Variants in SNW1 observed in about 807,000 individuals in gnomAD.
SNW1 encodes SNW domain containing 1.
SNW1 carries 9 observed loss-of-function variants against 75.6 expected under a neutral mutation model. The ratio of observed to expected loss-of-function variants is 0.12; its 90% CI spans 0.07 to 0.21. SNW1 has a LOEUF of 0.21. Among genes scored for constraint, SNW1 ranks in the 10% least tolerant of loss-of-function variants. The pLI is 1.00. For synonymous variants in SNW1, 200 were observed against 219.1 expected (o/e 0.91, Z 0.77); for missense variants, 409 against 670.9 (o/e 0.61, Z 4.31).
At chr14:77,721,133 G>T (rs2080537107) in intron 11 of SNW1, 4 of 260,430 alleles carry the variant, frequency 1.5e-5, no homozygotes. Context: ...AAATTGCTAT[G>T]GTCTATATTT....
chr14:77,733,122 A>G (rs1400714752), intron 8 of SNW1, among the ~76,000 whole-genome samples: 1 of 152,188 alleles, frequency 6.6e-6, no homozygotes, highest in East Asian at 1.9e-4. Context: ...AACCTTCACG[A>G]TAACTCTATA....
chr14:77,729,452 G>A (rs919979509), intron 10 of SNW1, among the ~76,000 whole-genome samples: 4 of 152,056 alleles, frequency 2.6e-5, no homozygotes, highest in African/African-American at 9.7e-5. Context: ...CTCTCTTACA[G>A]TTTATTTGGA....
intron 3 of SNW1, among the ~76,000 whole-genome samples, chr14:77,747,976 G>A (rs1475289765): frequency 6.6e-6 from 1 of 152,250 alleles, no homozygotes; most frequent in Non-Finnish European, 1.5e-5. Context: ...GGAGAGGGGG[G>A]AAATGTGGGG....
chr14:77,743,171 G>C (rs997272098), intron 3 of SNW1, among the ~76,000 whole-genome samples: 1 of 151,408 alleles, frequency 6.6e-6, no homozygotes, highest in Non-Finnish European at 1.5e-5. Context: ...GTTGCGGTGA[G>C]CTGAGATCGT....
intron 3 of SNW1, among the ~76,000 whole-genome samples, chr14:77,740,828 G>T (rs946104793): frequency 2.6e-5 from 4 of 152,262 alleles, no homozygotes; most frequent in African/African-American, 9.6e-5. Context: ...AGGGCACGGT[G>T]GCTCACGCCT....
Position 77,717,689 on chromosome 14 carries a change from G to A in SNW1, c.*399C>T. Reference sequence around the variant, plus strand: ...CAAATTAAAACAGAGCACAATAGGGGCAAAATTTATTTGGCAGGACAGTTC... The same window carrying A: ...CAAATTAAAACAGAGCACAATAGGGACAAAATTTATTTGGCAGGACAGTTC... On this transcript the variant is annotated 3_prime_UTR_variant, in exon 14 of 14. Transcript: ENST00000261531. 1.2e-6 allele frequency: 1 copy of A among 817,176 alleles called. No homozygotes were observed. Among genetic ancestry groups the A allele is most frequent in the East Asian group, 2.6e-5 (1 of 37,814 alleles). 50.6% of individuals were successfully genotyped at this position (817,176 alleles called of 1,614,324 possible).
chr14:77,755,222 A>G, intron 1 of SNW1, 102 bp from the exon 2 acceptor site: 4 of 1,028,732 alleles, frequency 3.9e-6, no homozygotes. Flanking sequence ...CGATGCTTTT[A>G]CTTTTCAGAA....
intron 10 of SNW1, 55 bp from the exon 11 acceptor site, chr14:77,723,332 C>CAT: frequency 8.2e-7 from 1 of 1,224,044 alleles, no homozygotes; most frequent in South Asian, 1.2e-5. Flanking sequence ...TGTGTGCATA[C>CAT]GTGTACACGT....
chr14:77,741,476 G>T (rs989364945), intron 3 of SNW1, among the ~76,000 whole-genome samples: 1 of 152,122 alleles, frequency 6.6e-6, no homozygotes, highest in Non-Finnish European at 1.5e-5. Context: ...TCTCCAGCTT[G>T]TTTTTCTCAG....
Position 77,732,471 on chromosome 14 carries a change from T to C in SNW1, c.891+14A>G. Reference sequence around the variant, plus strand: ...AAAGTAACAAGAGCATTAAACAAATTATAACAAACCAACCTTCCGATCAGC... The same window carrying C: ...AAAGTAACAAGAGCATTAAACAAATCATAACAAACCAACCTTCCGATCAGC... On this transcript the variant is annotated intron_variant, in intron 9 of 13. Coordinates refer to ENST00000261531, the MANE Select transcript of SNW1 (RefSeq NM_012245.3). 5.1e-6 allele frequency: 7 copies of C among 1,379,634 alleles called. No individual in the cohort carries two copies. The highest frequency in any genetic ancestry group is 5.2e-6 in the Non-Finnish European group (5 of 968,128). The allele number at this position is 1,379,634 out of a possible 1,614,324, so 85.5% of individuals were successfully genotyped here. A position where few individuals can be genotyped will look rare whatever the true frequency, so the allele number is the denominator to read the frequency against.
intron 3 of SNW1, among the ~76,000 whole-genome samples, chr14:77,749,059 T>G (rs1414537273): frequency 6.6e-6 from 1 of 152,164 alleles, no homozygotes; most frequent in East Asian, 1.9e-4. Flanking sequence ...AAGTAGCACT[T>G]TAGGGAAATC....
At chr14:77,736,428 A>C (rs2080672182) in intron 6 of SNW1, among the ~76,000 whole-genome samples, 1 of 152,222 alleles carries the variant, frequency 6.6e-6, no homozygotes, top group South Asian at 2.1e-4. Context: ...ACACGCCTGT[A>C]AACCCAGCTA....
intron 11 of SNW1, among the ~76,000 whole-genome samples, chr14:77,722,033 C>G (rs2080545428): frequency 6.6e-6 from 1 of 152,196 alleles, no homozygotes; most frequent in African/African-American, 2.4e-5. Context: ...CAGGTGTCAG[C>G]CACTGTGCCC....
intron 10 of SNW1, among the ~76,000 whole-genome samples, chr14:77,726,316 A>G (rs544388417): frequency 5.3e-5 from 8 of 152,236 alleles, no homozygotes; most frequent in African/African-American, 1.9e-4. Context: ...TTCTGTTTTT[A>G]AAATTTAATT....
intron 4 of SNW1, 34 bp downstream of exon 4, chr14:77,738,932 T>G: frequency 6.2e-7 from 1 of 1,608,368 alleles, no homozygotes. Flanking sequence ...AATCAGGATG[T>G]AAATAGTCAT....
At chr14:77,749,458 G>A (rs1344895410) in intron 3 of SNW1, among the ~76,000 whole-genome samples, 1 of 152,184 alleles carries the variant, frequency 6.6e-6, no homozygotes, top group Non-Finnish European at 1.5e-5. Context: ...TAGGTACTCA[G>A]GGAAAAGCCT....
At chr14:77,757,933 TC>T (rs1194228731) in intron 1 of SNW1, among the ~76,000 whole-genome samples, 1 of 137,992 alleles carries the variant, frequency 7.2e-6, no homozygotes, top group African/African-American at 2.7e-5. Flanking sequence ...TATCTATCTA[TC>T]TATCTATCTA....
At chr14:77,743,400 C>T (rs1038948261) in intron 3 of SNW1, among the ~76,000 whole-genome samples, 4 of 152,134 alleles carry the variant, frequency 2.6e-5, no homozygotes, top group African/African-American at 9.7e-5. Context: ...TAGAATATTA[C>T]GTCTTAGAAT....
rs750518846 is a variant in SNW1, at chr14:77,718,429, G to A, written c.1350C>T (p.Pro450=). 1 of 1,613,844 alleles carries A rather than the reference G, an allele frequency of 6.2e-7. No homozygotes were observed. The highest frequency in any genetic ancestry group is 1.7e-5 in the Admixed American group (1 of 60,000). The change falls in exon 13 of 14, where the codon CCC becomes CCT. Residue 450 remains proline (P), a synonymous_variant. Transcript: ENST00000261531. ...ACATGTCCTTGTCCAGATTTTTACTGGGCCTATAAATACTCTGGGCCATAT... is the reference window on the plus strand; with the variant it reads ...ACATGTCCTTGTCCAGATTTTTACTAGGCCTATAAATACTCTGGGCCATAT... ...GKDMAQSIYR[P]SKNLDKDMYG...
Sources: allele counts gnomAD v4.1 joint callset (sites outside exome capture counted in the v4.1 genomes callset), GRCh38; gene constraint gnomAD v4.1.1; transcripts MANE v1.5; gene names NCBI Gene and HGNC (gene_info 2026-07-23, HGNC 2026-07-21).